The following MOB3B variants were observed in gnomAD, a reference collection of about 807,000 sequenced individuals.
The protein encoded by MOB3B is MOB kinase activator-like 2B.
In MOB3B, 7 loss-of-function variants were observed where a neutral mutation model predicts 18.7. The observed-to-expected ratio is 0.37, with a 90% CI of 0.21 to 0.70. The LOEUF (loss-of-function observed/expected upper bound fraction) is 0.70, where lower values mean the gene tolerates loss of function less well. Among genes scored for constraint, MOB3B ranks in the 30% least tolerant of loss-of-function variants. MOB3B has a pLI of 0.52. For missense variants in MOB3B, 253 were observed against 281.3 expected, an observed-to-expected ratio of 0.90 and a Z score of 0.72; for synonymous variants, 111 against 99.9, an observed-to-expected ratio of 1.11 and a Z score of -0.66.
At chr9:27,511,483 C>T (rs542158963) in intron 1 of MOB3B, among the ~76,000 whole-genome samples, 4 of 152,162 alleles carry the variant, frequency 2.6e-5, no homozygotes, top group South Asian at 2.1e-4. Flanking sequence ...GCATCAGCTG[C>T]GGATGTTGGC....
At chr9:27,373,357 T>C (rs2131368767) in intron 2 of MOB3B, among the ~76,000 whole-genome samples, 1 of 152,378 alleles carries the variant, frequency 6.6e-6, no homozygotes, top group African/African-American at 2.4e-5. Context: ...CACCCTTTGT[T>C]TGTTCATTAA....
chr9:27,352,751 G>A (rs1192259604), intron 3 of MOB3B, among the ~76,000 whole-genome samples: 1 of 152,202 alleles, frequency 6.6e-6, no homozygotes, highest in East Asian at 1.9e-4. Flanking sequence ...TGCCCAGAGT[G>A]TGTTCCATGG....
chr9:27,344,083 C>G (rs1820996771), intron 3 of MOB3B, among the ~76,000 whole-genome samples: 1 of 148,858 alleles, frequency 6.7e-6, no homozygotes, highest in Non-Finnish European at 1.5e-5. Context: ...TGTATTTTAC[C>G]ACAATTAAAA....
At chr9:27,493,018 C>T (rs1819843955) in intron 1 of MOB3B, among the ~76,000 whole-genome samples, 1 of 152,170 alleles carries the variant, frequency 6.6e-6, no homozygotes, top group African/African-American at 2.4e-5. Context: ...AGCAGCCACA[C>T]TTGGCAAGCA....
intron 1 of MOB3B, chr9:27,524,458 C>T (rs775058341): frequency 1.2e-5 from 20 of 1,613,970 alleles, no homozygotes; most frequent in African/African-American, 6.7e-5. Flanking sequence ...AGAAGAGTCA[C>T]CTGGCAAAAT....
intron 1 of MOB3B, among the ~76,000 whole-genome samples, chr9:27,528,178 A>G (rs1820466131): frequency 6.6e-6 from 1 of 152,124 alleles, no homozygotes; most frequent in Admixed American, 6.5e-5. Flanking sequence ...CTTCCTCGTT[A>G]TTTGCATCTT....
At chr9:27,429,753 A>C (rs1434572957) in intron 2 of MOB3B, among the ~76,000 whole-genome samples, 1 of 152,188 alleles carries the variant, frequency 6.6e-6, no homozygotes, top group East Asian at 1.9e-4. Flanking sequence ...GCCTAGTTTC[A>C]AAGTTACCAT....
intron 3 of MOB3B, among the ~76,000 whole-genome samples, chr9:27,339,575 A>G (rs1254067437): frequency 6.6e-6 from 1 of 152,230 alleles, no homozygotes; most frequent in Non-Finnish European, 1.5e-5. Flanking sequence ...ACATCATTTC[A>G]TTCAATCCTT....
At position 27,455,710 on chromosome 9, in the gene MOB3B, TC is replaced by T; in HGVS notation, c.-161del. 1 of 1,468,470 alleles carries T rather than the reference TC, an allele frequency of 6.8e-7. No homozygotes were observed. The highest frequency in any genetic ancestry group is 8.9e-7 in the Non-Finnish European group (1 of 1,119,150). The allele number at this position is 1,468,470 out of a possible 1,614,324, so 91.0% of individuals were successfully genotyped here. On this transcript the variant is annotated 5_prime_UTR_variant, in exon 2 of 4. It removes the in-frame stop codon of an upstream open reading frame in the 5' UTR. Transcript: ENST00000262244. ...CTCTTCTAAACAGCCCCTTCCATCT[TC>T]CTCTTGAATGATTTCCAAGGGAACC... is the stretch of plus-strand genomic sequence containing the variant.
At chr9:27,336,291 A>G (rs750460259) in intron 3 of MOB3B, among the ~76,000 whole-genome samples, 1 of 151,970 alleles carries the variant, frequency 6.6e-6, no homozygotes, top group Non-Finnish European at 1.5e-5. Context: ...GAGCAAAAGA[A>G]AAGGAGTGAG....
At chr9:27,465,136 C>T (rs1819359409) in intron 1 of MOB3B, among the ~76,000 whole-genome samples, 1 of 152,174 alleles carries the variant, frequency 6.6e-6, no homozygotes, top group Admixed American at 6.5e-5. Flanking sequence ...AAGGCAAGTC[C>T]CTTCCACCTA....
chr9:27,475,431 A>G lies in MOB3B; in HGVS notation c.-198-19683T>C, dbSNP rs540231104. On this transcript the variant is annotated intron_variant, in intron 1 of 3. Coordinates refer to ENST00000262244, the MANE Select transcript of MOB3B (RefSeq NM_024761.5). ...AGGGGATTCTGTTATGAAGCAATAG[A>G]TAAATCATACAGCTGTTTAAGCCTC... 3.3e-5 allele frequency among the ~76,000 whole-genome samples: 5 copies of G among 152,374 alleles called. No individual in the cohort carries two copies. The South Asian group carries it at 1.0e-3, about 32-fold the overall frequency.
At chr9:27,390,028 T>C (rs1821704990) in intron 2 of MOB3B, among the ~76,000 whole-genome samples, 1 of 152,128 alleles carries the variant, frequency 6.6e-6, no homozygotes, top group Non-Finnish European at 1.5e-5. Context: ...AAATCACCAA[T>C]TTCCTAAATC....
At chr9:27,381,973 A>G (rs1009539487) in intron 2 of MOB3B, among the ~76,000 whole-genome samples, 1 of 152,188 alleles carries the variant, frequency 6.6e-6, no homozygotes, top group African/African-American at 2.4e-5. Context: ...AGGGGTGGAC[A>G]TTAACCTGAT....
chr9:27,461,144 G>T (rs1230736805), intron 1 of MOB3B, among the ~76,000 whole-genome samples: 1 of 152,098 alleles, frequency 6.6e-6, no homozygotes, highest in Non-Finnish European at 1.5e-5. Context: ...CCACTATATT[G>T]TTCTCTTTAT....
At chr9:27,363,247 T>C (rs1821299186) in intron 2 of MOB3B, among the ~76,000 whole-genome samples, 1 of 152,116 alleles carries the variant, frequency 6.6e-6, no homozygotes, top group African/African-American at 2.4e-5. Flanking sequence ...GTGGAATTAT[T>C]ATTTCAGGTT....
At chr9:27,397,596 A>C (rs1362305616) in intron 2 of MOB3B, 1 of 152,196 alleles carries the variant, frequency 6.6e-6, no homozygotes, top group Admixed American at 6.5e-5. Context: ...TTATTTAAAT[A>C]CTATTTTTTT....
chr9:27,503,496 A>G (rs1311004078), intron 1 of MOB3B, among the ~76,000 whole-genome samples: 1 of 152,222 alleles, frequency 6.6e-6, no homozygotes, highest in Non-Finnish European at 1.5e-5. Flanking sequence ...CCACTGTCCT[A>G]GAAGGCGGCC....
chr9:27,520,160 C>T (rs556184513), intron 1 of MOB3B, among the ~76,000 whole-genome samples: 1 of 152,232 alleles, frequency 6.6e-6, no homozygotes, highest in South Asian at 2.1e-4. Flanking sequence ...TGCCAAATGC[C>T]CCTCAGCTGA....
Sources: gnomAD v4.1 joint callset for allele counts (sites outside exome capture counted in the v4.1 genomes callset) on GRCh38, gnomAD v4.1.1 for gene constraint, MANE v1.5 for transcripts, NCBI Gene and HGNC (gene_info 2026-07-23, HGNC 2026-07-21) for gene names.